The following CARMIL1 variants were observed in gnomAD, a reference collection of about 807,000 sequenced individuals.
CARMIL1 encodes capping protein regulator and myosin 1 linker 1.
Under a neutral mutation model 177.1 loss-of-function variants are expected in CARMIL1, and 90 were observed. The ratio of observed to expected loss-of-function variants is 0.51; its 90% CI spans 0.43 to 0.61. The LOEUF (loss-of-function observed/expected upper bound fraction) is 0.61, where lower values mean the gene tolerates loss of function less well. Among genes scored for constraint, CARMIL1 ranks in the 20% least tolerant of loss-of-function variants. The pLI is 0.00. For synonymous variants in CARMIL1, 577 were observed against 606.2 expected (o/e 0.95, Z 0.71); for missense variants, 1,380 against 1,667.0 (o/e 0.83, Z 3.00).
At chr6:25,600,861 T>C (rs41271823) in intron 33 of CARMIL1, 115 bp downstream of exon 33, 104,347 of 946,822 alleles carry the variant, frequency 0.11, 6,467 homozygotes, top group Non-Finnish European at 0.12. Flanking sequence ...CATTTAACTT[T>C]CCTTTATGCT....
intron 2 of CARMIL1, among the ~76,000 whole-genome samples, chr6:25,349,853 C>T (rs1461846705): frequency 6.6e-6 from 1 of 151,878 alleles, no homozygotes; most frequent in Non-Finnish European, 1.5e-5. Flanking sequence ...CTCAGGCTCC[C>T]GAGTAGCTGG....
At chr6:25,368,571 A>G (rs1002743767) in intron 2 of CARMIL1, among the ~76,000 whole-genome samples, 21 of 152,336 alleles carry the variant, frequency 1.4e-4, no homozygotes, top group African/African-American at 5.1e-4. Flanking sequence ...GACATTACTC[A>G]GGAATCTCAT....
At position 25,281,130 on chromosome 6, in the gene CARMIL1, GCGCGCGCACACACA is replaced by G. The variant is rs1781069126; in HGVS notation, c.40+1297_40+1310del. 9.3e-5 allele frequency among the ~76,000 whole-genome samples: 9 copies of G among 97,288 alleles called. No homozygotes were observed. The South Asian group carries it at 3.3e-3, about 36-fold the overall frequency. The allele number at this position is 97,288 out of a possible 152,430, so 63.8% of individuals were successfully genotyped here. A position where few individuals can be genotyped will look rare whatever the true frequency, so the allele number is the denominator to read the frequency against. On this transcript the variant is annotated intron_variant, in intron 1 of 36. Coordinates refer to ENST00000329474, the MANE Select transcript of CARMIL1 (RefSeq NM_017640.6). ...TATTCACAGACGCACGCGCGTGTGC[GCGCGCGCACACACA>G]CACACACACACACACACACACACAC...
chr6:25,391,682 G>A (rs903829680), intron 2 of CARMIL1, among the ~76,000 whole-genome samples: 1 of 152,172 alleles, frequency 6.6e-6, no homozygotes, highest in Admixed American at 6.5e-5. Context: ...AGATTCCTTA[G>A]TTGCACTAAC....
At position 25,488,479 on chromosome 6, in the gene CARMIL1, C is replaced by T. The variant is rs750814346; in HGVS notation, c.962-3C>T. ...CTGAGCCTGGATTTTCTTGATGTTG[C>T]AGGGGTGAACAGCCTTTCTCAGTCA... On this transcript the variant is annotated splice_region_variant and splice_polypyrimidine_tract_variant and intron_variant, in intron 12 of 36. Transcript: ENST00000329474. 2 of 1,611,768 alleles carry T rather than the reference C, an allele frequency of 1.2e-6. No homozygotes were observed. Among genetic ancestry groups the T allele is most frequent in the Non-Finnish European group, 1.7e-6 (2 of 1,177,864 alleles).
At chr6:25,442,460 G>A (rs1199862951) in intron 5 of CARMIL1, among the ~76,000 whole-genome samples, 1 of 140,340 alleles carries the variant, frequency 7.1e-6, no homozygotes, top group Non-Finnish European at 1.6e-5. Context: ...TTAACAGTGT[G>A]TGTGTGTATG....
At position 25,519,250 on chromosome 6, in the gene CARMIL1, G is replaced by T. The variant is rs1806309372; in HGVS notation, c.1875-994G>T. On this transcript the variant is annotated intron_variant, in intron 22 of 36. Transcript: ENST00000329474. ...AGAGTCCTAAAACAAGGCAGCTACT[G>T]TGCAATTTTAATGTCCCAGTTGCCA... 2.0e-5 allele frequency among the ~76,000 whole-genome samples: 3 copies of T among 152,222 alleles called. No individual in the cohort carries two copies. The South Asian group carries it at 6.2e-4, about 32-fold the overall frequency.
intron 36 of CARMIL1, among the ~76,000 whole-genome samples, chr6:25,610,720 CCTT>C (rs1306687609): frequency 6.6e-6 from 1 of 152,176 alleles, no homozygotes; most frequent in African/African-American, 2.4e-5. Context: ...CCAGTTTGCT[CCTT>C]CTAATTTGCT....
chr6:25,306,872 G>T (rs1783311500), intron 2 of CARMIL1, among the ~76,000 whole-genome samples: 2 of 143,700 alleles, frequency 1.4e-5, no homozygotes, highest in Non-Finnish European at 3.0e-5. Context: ...TTCCTGCAGT[G>T]CCTTGGCTTT....
intron 2 of CARMIL1, among the ~76,000 whole-genome samples, chr6:25,339,679 G>A (rs957510102): frequency 6.6e-6 from 1 of 152,192 alleles, no homozygotes; most frequent in Non-Finnish European, 1.5e-5. Context: ...GCAGGGTCAG[G>A]TTGCCTCTGG....
chr6:25,472,989 T>C (rs1451307771), intron 11 of CARMIL1, among the ~76,000 whole-genome samples: 1 of 152,104 alleles, frequency 6.6e-6, no homozygotes, highest in Non-Finnish European at 1.5e-5. Context: ...TGGAATTAAT[T>C]TCCTTGGAGC....
chr6:25,334,976 C>G (rs946281998), intron 2 of CARMIL1, among the ~76,000 whole-genome samples: 5 of 152,152 alleles, frequency 3.3e-5, no homozygotes, highest in African/African-American at 1.2e-4. Flanking sequence ...TCTTTGCTAC[C>G]GTCCTTGGAA....
intron 17 of CARMIL1, among the ~76,000 whole-genome samples, chr6:25,504,470 TAAA>T (rs1165706662): frequency 6.6e-6 from 1 of 151,454 alleles, no homozygotes; most frequent in South Asian, 2.1e-4. Context: ...TTCATGCTAT[TAAA>T]AAAAAAGTTT....
chr6:25,452,137 A>G (rs1362668196), intron 8 of CARMIL1: 1 of 764,896 alleles, frequency 1.3e-6, no homozygotes, highest in East Asian at 2.4e-5. Context: ...TCCTCTTTGC[A>G]CAGCCTGGGA....
intron 29 of CARMIL1, among the ~76,000 whole-genome samples, chr6:25,569,066 A>G (rs1020678135): frequency 1.3e-5 from 2 of 152,250 alleles, no homozygotes; most frequent in African/African-American, 4.8e-5. Context: ...CAAAGCCACA[A>G]AAGATTAAAA....
intron 2 of CARMIL1, among the ~76,000 whole-genome samples, chr6:25,312,982 G>T (rs1351233146): frequency 6.6e-6 from 1 of 151,362 alleles, no homozygotes; most frequent in Non-Finnish European, 1.5e-5. Flanking sequence ...CCCTTTCTGA[G>T]TTGTAAAAAG....
intron 3 of CARMIL1, among the ~76,000 whole-genome samples, chr6:25,426,088 A>C (rs1796254683): frequency 6.6e-6 from 1 of 152,198 alleles, no homozygotes. Flanking sequence ...CCTTCCATAC[A>C]TTCATTTCTC....
At chr6:25,395,372 G>GA (rs1240176820) in intron 2 of CARMIL1, among the ~76,000 whole-genome samples, 1 of 152,172 alleles carries the variant, frequency 6.6e-6, no homozygotes, top group East Asian at 1.9e-4. Context: ...TGAAAATTTA[G>GA]AAACATCTTG....
chr6:25,500,298 C>G (rs781197900), intron 17 of CARMIL1, 63 bp downstream of exon 17: 23 of 1,424,894 alleles, frequency 1.6e-5, no homozygotes, highest in Non-Finnish European at 2.3e-5. Context: ...TGCCTTTTTC[C>G]TGGATAAAAT....
Sources: gnomAD v4.1 joint callset for allele counts (sites outside exome capture counted in the v4.1 genomes callset) on GRCh38, gnomAD v4.1.1 for gene constraint, MANE v1.5 for transcripts, NCBI Gene and HGNC (gene_info 2026-07-23, HGNC 2026-07-21) for gene names.